MAGI2: variants seen among roughly 807,000 people sequenced by gnomAD.
The protein encoded by MAGI2 is membrane associated guanylate kinase, WW and PDZ domain containing 2, also known as membrane-associated guanylate kinase, WW and PDZ domain-containing protein 2.
In MAGI2, 35 loss-of-function variants were observed where a neutral mutation model predicts 133.3. The observed-to-expected ratio is 0.26, with a 90% CI of 0.20 to 0.35. The LOEUF is 0.35. MAGI2 is among the 10% of genes least tolerant of loss of function. The pLI, the probability that MAGI2 is intolerant of heterozygous loss-of-function variation, is 1.00. For synonymous variants in MAGI2, 729 were observed against 710.6 expected, an observed-to-expected ratio of 1.03 and a Z score of -0.41; for missense variants, 1,636 against 1,863.4, an observed-to-expected ratio of 0.88 and a Z score of 2.25.
chr7:78,166,477 A>G (rs1825635039), intron 15 of MAGI2, among the ~76,000 whole-genome samples: 1 of 152,226 alleles, frequency 6.6e-6, no homozygotes, highest in South Asian at 2.1e-4. Flanking sequence ...TCTTTGGGTC[A>G]AGTGACATGC....
intron 1 of MAGI2, among the ~76,000 whole-genome samples, chr7:79,445,132 A>G (rs1450606500): frequency 6.6e-6 from 1 of 152,212 alleles, no homozygotes; most frequent in Non-Finnish European, 1.5e-5. Flanking sequence ...CTGAAACTGG[A>G]TCTCTTCCTT....
intron 1 of MAGI2, among the ~76,000 whole-genome samples, chr7:79,054,611 A>C (rs985773982): frequency 9.9e-5 from 15 of 152,098 alleles, no homozygotes; most frequent in Non-Finnish European, 8.8e-5. Context: ...CTAGGCCTTG[A>C]TACCTCTCGT....
intron 7 of MAGI2, among the ~76,000 whole-genome samples, chr7:78,363,125 C>T (rs953788288): frequency 1.3e-5 from 2 of 152,196 alleles, no homozygotes; most frequent in South Asian, 2.1e-4. Context: ...ATAATTATGA[C>T]AATATAACCT....
chr7:78,344,411 G>GT (rs1322065907), intron 8 of MAGI2, among the ~76,000 whole-genome samples: 1 of 152,114 alleles, frequency 6.6e-6, no homozygotes, highest in Non-Finnish European at 1.5e-5. Flanking sequence ...AGAAATAAGG[G>GT]TAGAGAAATG....
At chr7:78,858,809 G>A (rs572221272) in intron 2 of MAGI2, among the ~76,000 whole-genome samples, 10 of 152,194 alleles carry the variant, frequency 6.6e-5, no homozygotes, top group East Asian at 5.8e-4. Context: ...TTTCTGTCTC[G>A]TTGATCTCTC....
chr7:79,433,164 A>G (rs1411574812), intron 1 of MAGI2, among the ~76,000 whole-genome samples: 1 of 152,194 alleles, frequency 6.6e-6, no homozygotes, highest in Non-Finnish European at 1.5e-5. Context: ...CATGAAAGAA[A>G]CAAATAGTTA....
intron 2 of MAGI2, among the ~76,000 whole-genome samples, chr7:78,989,465 G>A (rs1353237302): frequency 6.6e-6 from 1 of 151,984 alleles, no homozygotes; most frequent in African/African-American, 2.4e-5. Flanking sequence ...GGGGCAAGGA[G>A]GAAAAGAAAA....
intron 1 of MAGI2, among the ~76,000 whole-genome samples, chr7:79,053,904 A>G (rs1812903838): frequency 6.6e-6 from 1 of 152,196 alleles, no homozygotes; most frequent in African/African-American, 2.4e-5. Flanking sequence ...TGTGTTATAA[A>G]TATAAAATTT....
At position 79,343,311 on chromosome 7, in the gene MAGI2, G is replaced by C. The variant is rs552494237; in HGVS notation, c.301+109709C>G. ...AAATTTGTGTGTCATCCTTGCACAA[G>C]GGCCATACTAATCTTCTGGGTATTA... On this transcript the variant is annotated intron_variant, in intron 1 of 21. Coordinates refer to ENST00000354212, the MANE Select transcript of MAGI2 (RefSeq NM_012301.4). The C allele has an allele frequency of 3.3e-5, 5 of 152,112 alleles. 1 individual carries two copies. The South Asian group carries it at 1.0e-3, about 32-fold the overall frequency. 9.4% of individuals were successfully genotyped at this position (152,112 alleles called of 1,614,324 possible). A position where few individuals can be genotyped will look rare whatever the true frequency, so the allele number is the denominator to read the frequency against.
chr7:79,428,307 T>A (rs1180223616), intron 1 of MAGI2, among the ~76,000 whole-genome samples: 1 of 152,176 alleles, frequency 6.6e-6, no homozygotes, highest in Admixed American at 6.6e-5. Context: ...TAATAAATAT[T>A]GTCTTCAGAG....
intron 1 of MAGI2, among the ~76,000 whole-genome samples, chr7:79,048,568 A>T (rs1812385722): frequency 6.6e-6 from 1 of 152,230 alleles, no homozygotes; most frequent in Admixed American, 6.5e-5. Context: ...GTAAATGTAT[A>T]AATATTTCAG....
intron 6 of MAGI2, chr7:78,456,911 T>C (rs1789380595): frequency 6.6e-6 from 1 of 152,226 alleles, no homozygotes; most frequent in South Asian, 2.1e-4. Context: ...GGAGATGGTT[T>C]ACCTTTTCCT....
chr7:79,432,062 G>T (rs1020893885), intron 1 of MAGI2, among the ~76,000 whole-genome samples: 2 of 152,114 alleles, frequency 1.3e-5, no homozygotes, highest in Admixed American at 1.3e-4. Flanking sequence ...TACTTTTCCT[G>T]TTTTCCTGGA....
chr7:78,125,975 G>T, intron 19 of MAGI2, 138 bp from the exon 20 acceptor site: 1 of 912,372 alleles, frequency 1.1e-6, no homozygotes, highest in Non-Finnish European at 1.6e-6. Flanking sequence ...TCGTAATCTG[G>T]CTTCATAAAC....
rs1165924588 is a variant in MAGI2 at position 79,200,551 on chromosome 7, C to T, written c.302-193345G>A. Among the ~76,000 whole-genome samples the T allele has an allele frequency of 1.3e-5, 2 of 150,580 alleles. 1 individual carries two copies. Among genetic ancestry groups the T allele is most frequent in the African/African-American group, 4.9e-5 (2 of 40,658 alleles). On this transcript the variant is annotated intron_variant, in intron 1 of 21. Coordinates refer to ENST00000354212, the MANE Select transcript of MAGI2 (RefSeq NM_012301.4). ...GCTTAAACCCAGGAGGTTGAGGTTG[C>T]AGTGAGCCAAGATCATGCCACTGAA...
chr7:78,263,728 C>T (rs557924931), intron 9 of MAGI2, among the ~76,000 whole-genome samples: 2 of 152,252 alleles, frequency 1.3e-5, no homozygotes, highest in African/African-American at 4.8e-5. Context: ...ATCTCCCATA[C>T]CATACACTCT....
chr7:78,596,952 G>A (rs1019640754), intron 3 of MAGI2, among the ~76,000 whole-genome samples: 1 of 152,160 alleles, frequency 6.6e-6, no homozygotes, highest in African/African-American at 2.4e-5. Flanking sequence ...TTTAATCTAT[G>A]TGGCAGGCAG....
chr7:78,257,778 G>C (rs530433219), intron 9 of MAGI2, among the ~76,000 whole-genome samples: 1 of 152,088 alleles, frequency 6.6e-6, no homozygotes, highest in Non-Finnish European at 1.5e-5. Flanking sequence ...ATGCTGAGGA[G>C]TATATTAGGG....
intron 1 of MAGI2, among the ~76,000 whole-genome samples, chr7:79,344,619 A>G (rs192047244): frequency 6.6e-6 from 1 of 152,292 alleles, no homozygotes; most frequent in Admixed American, 6.5e-5. Context: ...GACAGTGAGT[A>G]CCTAAATTTA....
Sources: allele counts gnomAD v4.1 joint callset (sites outside exome capture counted in the v4.1 genomes callset), GRCh38; gene constraint gnomAD v4.1.1; transcripts MANE v1.5; gene names NCBI Gene and HGNC (gene_info 2026-07-23, HGNC 2026-07-21).